The following AGPS variants were observed in gnomAD, a reference collection of about 807,000 sequenced individuals.
AGPS encodes the protein alkyldihydroxyacetonephosphate synthase, peroxisomal.
Under a neutral mutation model 90.7 loss-of-function variants are expected in AGPS, and 26 were observed. The observed-to-expected ratio is 0.29, with a 90% CI of 0.21 to 0.40. AGPS has a LOEUF of 0.40. Ranked by LOEUF, AGPS falls within the 10% of genes least tolerant of loss-of-function variation. AGPS has a pLI of 1.00. For missense variants in AGPS, 540 were observed against 816.1 expected (o/e 0.66, Z 4.12); for synonymous variants, 294 against 285.3 (o/e 1.03, Z -0.31).
intron 8 of AGPS, among the ~76,000 whole-genome samples, chr2:177,455,206 ACT>A (rs1559053790): frequency 6.6e-6 from 1 of 152,090 alleles, no homozygotes; most frequent in Non-Finnish European, 1.5e-5. Context: ...TGAGGGGCAC[ACT>A]CTGCAGATCT....
intron 1 of AGPS, chr2:177,393,305 G>A: frequency 1.0e-6 from 1 of 985,416 alleles, no homozygotes; most frequent in Non-Finnish European, 1.2e-6. Flanking sequence ...TTGGAGAAGG[G>A]TTTAAAGGAT....
intron 1 of AGPS, among the ~76,000 whole-genome samples, chr2:177,404,840 T>C (rs2105590457): frequency 6.6e-6 from 1 of 152,340 alleles, no homozygotes; most frequent in Non-Finnish European, 1.5e-5. Flanking sequence ...TCTGCCATTA[T>C]TTTCAGAAAG....
intron 16 of AGPS, among the ~76,000 whole-genome samples, chr2:177,508,714 TA>T (rs913163964): frequency 8.5e-5 from 13 of 152,130 alleles, no homozygotes; most frequent in African/African-American, 3.1e-4. Flanking sequence ...CATCCAGTAA[TA>T]AAAAAAATCC....
chr2:177,401,508 T>G (rs954595914), intron 1 of AGPS, among the ~76,000 whole-genome samples: 8 of 152,086 alleles, frequency 5.3e-5, no homozygotes, highest in African/African-American at 1.9e-4. Context: ...AGCTACTGAG[T>G]GGTAAAGCTT....
At chr2:177,535,986 CAAGAT>C (rs1396331781) in intron 19 of AGPS, among the ~76,000 whole-genome samples, 1 of 151,478 alleles carries the variant, frequency 6.6e-6, no homozygotes, top group Non-Finnish European at 1.5e-5. Context: ...GAAAATTTGA[CAAGAT>C]AGATGTGTAA....
At chr2:177,432,979 C>T (rs1686288464) in intron 2 of AGPS, among the ~76,000 whole-genome samples, 1 of 152,176 alleles carries the variant, frequency 6.6e-6, no homozygotes, top group Admixed American at 6.5e-5. Context: ...TCTCTCCCTT[C>T]CCCCAGGGCA....
Position 177,429,501 on chromosome 2 carries a change from G to A in AGPS, c.351-4826G>A, listed in dbSNP as rs2105620287. 2.6e-5 allele frequency among the ~76,000 whole-genome samples: 4 copies of A among 152,232 alleles called. No individual in the cohort carries two copies. The Middle Eastern group carries it at 0.01, about 388-fold the overall frequency. On this transcript the variant is annotated intron_variant, in intron 2 of 19. Transcript: ENST00000264167. ...GACCTTTGAGTGGGATTTTTGTGTG[G>A]TCTTTTTTTTGATGCTGTTGTTGTT...
chr2:177,470,802 C>A (rs1040262191), intron 10 of AGPS, among the ~76,000 whole-genome samples: 3 of 151,438 alleles, frequency 2.0e-5, no homozygotes, highest in South Asian at 2.1e-4. Context: ...AAAGTACATG[C>A]AACATAGCAT....
intron 1 of AGPS, among the ~76,000 whole-genome samples, chr2:177,399,506 T>A (rs1470508362): frequency 6.6e-6 from 1 of 152,204 alleles, no homozygotes; most frequent in Non-Finnish European, 1.5e-5. Flanking sequence ...TTAGCTTTTT[T>A]ACTGATAATG....
In AGPS at chr2:177,459,152, C is replaced by T. The variant is rs184742274; in HGVS notation, c.871-2741C>T. On this transcript the variant is annotated intron_variant, in intron 8 of 19. Transcript: ENST00000264167. ...ACTGAAACTGGACCCCTTCCTTACA[C>T]CTTATAAAAAAATCAACTCAAGATG... is the stretch of plus-strand genomic sequence containing the variant. Among the ~76,000 whole-genome samples the T allele has an allele frequency of 8.2e-3, 1,251 of 152,214 alleles. 15 individuals carry two copies. The highest frequency in any genetic ancestry group is 0.028 in the African/African-American group (1,143 of 41,514).
At chr2:177,478,693 A>G (rs978077688) in intron 10 of AGPS, among the ~76,000 whole-genome samples, 3 of 152,034 alleles carry the variant, frequency 2.0e-5, no homozygotes, top group African/African-American at 7.2e-5. Flanking sequence ...GATTCTTCTT[A>G]ATAGTTTATC....
chr2:177,521,097 G>A (rs1046263424), intron 17 of AGPS, among the ~76,000 whole-genome samples, 172 bp from the exon 18 acceptor site: 17 of 152,172 alleles, frequency 1.1e-4, no homozygotes, highest in African/African-American at 2.7e-4. Context: ...CTGTTTTGGC[G>A]GACAACTCTA....
intron 8 of AGPS, among the ~76,000 whole-genome samples, chr2:177,454,359 C>T (rs1313524229): frequency 6.6e-6 from 1 of 151,762 alleles, no homozygotes; most frequent in Admixed American, 6.6e-5. Context: ...TATTTTTAAT[C>T]TCAGACATTA....
chr2:177,526,798 GAA>G (rs1175372228), intron 19 of AGPS, among the ~76,000 whole-genome samples: 3 of 152,182 alleles, frequency 2.0e-5, no homozygotes, highest in Non-Finnish European at 4.4e-5. Context: ...ACAGTGAAGA[GAA>G]AGGGGATAGA....
At chr2:177,484,216 G>A (rs1482508029) in intron 11 of AGPS, among the ~76,000 whole-genome samples, 1 of 151,980 alleles carries the variant, frequency 6.6e-6, no homozygotes, top group Non-Finnish European at 1.5e-5. Flanking sequence ...TTTTTAAAAT[G>A]AATAAAAGGA....
chr2:177,527,486 A>C (rs1264036520), intron 19 of AGPS, among the ~76,000 whole-genome samples: 2 of 152,126 alleles, frequency 1.3e-5, no homozygotes, highest in Non-Finnish European at 2.9e-5. Flanking sequence ...TTAAAATATA[A>C]AATCTGTTTC....
At chr2:177,508,923 G>GT (rs1252919219) in intron 16 of AGPS, among the ~76,000 whole-genome samples, 5 of 151,858 alleles carry the variant, frequency 3.3e-5, no homozygotes, top group Non-Finnish European at 7.4e-5. Flanking sequence ...TTCACATTTT[G>GT]GTTTTTTGCA....
chr2:177,455,995 G>A (rs192284787), intron 8 of AGPS, among the ~76,000 whole-genome samples: 7 of 152,158 alleles, frequency 4.6e-5, no homozygotes, highest in Admixed American at 2.0e-4. Flanking sequence ...TTTATCTAGC[G>A]TCATATGGGG....
chr2:177,520,282 T>C (rs970793206), intron 17 of AGPS, among the ~76,000 whole-genome samples: 30 of 152,250 alleles, frequency 2.0e-4, no homozygotes, highest in Non-Finnish European at 4.0e-4. Context: ...GCAGTTGCTC[T>C]GATTCACATG....
Sources: gnomAD v4.1 joint callset for allele counts (sites outside exome capture counted in the v4.1 genomes callset) on GRCh38, gnomAD v4.1.1 for gene constraint, MANE v1.5 for transcripts, NCBI Gene and HGNC (gene_info 2026-07-23, HGNC 2026-07-21) for gene names.